P2RX3: variants seen among roughly 807,000 people sequenced by gnomAD.
The protein encoded by P2RX3 is purinergic receptor P2X 3, also known as P2X purinoceptor 3.
P2RX3 carries 41 observed loss-of-function variants against 51.5 expected under a neutral mutation model. The observed-to-expected ratio is 0.80, with a 90% CI of 0.62 to 1.03. The LOEUF is 1.03. P2RX3 is among the 50% of genes least tolerant of loss of function. P2RX3 has a pLI of 0.00. For synonymous variants in P2RX3, 185 were observed against 191.6 expected, an observed-to-expected ratio of 0.97 and a Z score of 0.29; for missense variants, 459 against 522.1, an observed-to-expected ratio of 0.88 and a Z score of 1.18.
At chr11:57,360,474 G>T (rs1856697479) in intron 8 of P2RX3, among the ~76,000 whole-genome samples, 1 of 152,078 alleles carries the variant, frequency 6.6e-6, no homozygotes, top group Admixed American at 6.6e-5. Flanking sequence ...CCTACTGTGA[G>T]CATTAGGCCT....
intron 5 of P2RX3, 42 bp downstream of exon 5, chr11:57,348,305 C>A: frequency 6.5e-7 from 1 of 1,528,294 alleles, no homozygotes; most frequent in Non-Finnish European, 8.9e-7. Flanking sequence ...GCCCCCACCT[C>A]AGCTCCCCTT....
intron 8 of P2RX3, among the ~76,000 whole-genome samples, chr11:57,355,335 T>C (rs1191330797): frequency 2.0e-5 from 2 of 102,210 alleles, no homozygotes; most frequent in Non-Finnish European, 4.3e-5. Flanking sequence ...ATTTTATTTC[T>C]TTTTTTTTTT....
At chr11:57,359,808 A>G (rs1856687509) in intron 8 of P2RX3, among the ~76,000 whole-genome samples, 1 of 152,196 alleles carries the variant, frequency 6.6e-6, no homozygotes, top group Admixed American at 6.5e-5. Context: ...AGAGTAGCCT[A>G]TGGAGCATGT....
Position 57,359,496 on chromosome 11 carries a change from C to T in P2RX3, c.843-8513C>T, listed in dbSNP as rs142488978. On this transcript the variant is annotated intron_variant, in intron 8 of 11. Coordinates refer to ENST00000263314, the MANE Select transcript of P2RX3 (RefSeq NM_002559.5). The stretch of plus-strand genomic sequence containing the variant: ...CAGCCACGCCTGTCAGAGGAGCCCC[C>T]GACCCTGAAAACTCTGGCCCTGCCT... Among the ~76,000 whole-genome samples the T allele has an allele frequency of 4.3e-4, 66 of 152,304 alleles. 2 individuals are homozygous for T. The East Asian group carries it at 0.012, about 27-fold the overall frequency.
upstream of P2RX3, among the ~76,000 whole-genome samples, chr11:57,336,181 T>C (rs754827866): frequency 6.6e-6 from 1 of 152,206 alleles, no homozygotes; most frequent in Non-Finnish European, 1.5e-5. Flanking sequence ...TGCAAAATAG[T>C]TTCTATGTCA....
At position 57,346,560 on chromosome 11, in the gene P2RX3, G is replaced by A. The variant is rs770234360; in HGVS notation, c.136G>A (p.Glu46Lys). 1.5e-5 allele frequency: 24 copies of A among 1,614,000 alleles called. No individual in the cohort carries two copies. The highest frequency in any genetic ancestry group is 8.3e-5 in the Admixed American group (5 of 59,992). The change falls in exon 2 of 12, where the codon GAG becomes AAG. Residue 46 changes from glutamate (E) to lysine (K), a missense_variant. Physicochemically the swap from Glu to Lys is moderately conservative, Grantham distance 56. Coordinates refer to ENST00000263314, the MANE Select transcript of P2RX3 (RefSeq NM_002559.5). ...SYFVGWVFLH[E>K]KAYQVRDTAI... is the part of the protein sequence containing the mutation. ...CTGCCCCAGGTGGGTTTTCTTGCAC[G>A]AGAAGGCTTACCAGGTACGGGACAC...
chr11:57,366,763 G>T (rs1031166189), intron 8 of P2RX3, among the ~76,000 whole-genome samples: 2 of 152,152 alleles, frequency 1.3e-5, no homozygotes, highest in Non-Finnish European at 2.9e-5. Context: ...AGTCTCGGGC[G>T]CAGGGTGTCA....
chr11:57,371,157 G>A lies in P2RX3; in HGVS notation c.*1160G>A, dbSNP rs1451839995. ...AACCCACATGTCCTGGCCCTTCAGGGAAGGAGGCAAGAACAGGAAGCTGGA... is the reference window on the plus strand; with the variant it reads ...AACCCACATGTCCTGGCCCTTCAGGAAAGGAGGCAAGAACAGGAAGCTGGA... On this transcript the variant is annotated 3_prime_UTR_variant, in exon 12 of 12. Coordinates refer to ENST00000263314, the MANE Select transcript of P2RX3 (RefSeq NM_002559.5). 6.6e-6 allele frequency among the ~76,000 whole-genome samples: 1 copy of A among 152,250 alleles called. No individual in the cohort carries two copies. Among genetic ancestry groups the A allele is most frequent in the Non-Finnish European group, 1.5e-5 (1 of 68,050 alleles).
intron 1 of P2RX3, chr11:57,340,531 CAT>C (rs1468301527): frequency 6.6e-6 from 1 of 152,320 alleles, no homozygotes; most frequent in Non-Finnish European, 1.5e-5. Context: ...GTTGTGACTT[CAT>C]GAGTCCACCG....
chr11:57,368,139 G>A, intron 9 of P2RX3, 37 bp downstream of exon 9: 1 of 1,586,836 alleles, frequency 6.3e-7, no homozygotes, highest in Non-Finnish European at 8.7e-7. Context: ...GTGGACAGGG[G>A]AGGCAGCCCA....
chr11:57,352,473 A>G (rs187818914), intron 8 of P2RX3, among the ~76,000 whole-genome samples: 7 of 152,366 alleles, frequency 4.6e-5, no homozygotes, highest in Non-Finnish European at 1.5e-5. Flanking sequence ...ATAGTAACAT[A>G]TTAATAAAAT....
At chr11:57,343,250 A>AAGG (rs60686685) in intron 1 of P2RX3, among the ~76,000 whole-genome samples, 6 of 152,132 alleles carry the variant, frequency 3.9e-5, no homozygotes, top group African/African-American at 7.2e-5. Flanking sequence ...AGGAGCCTTG[A>AAGG]AGGAGGAGGA....
intron 8 of P2RX3, among the ~76,000 whole-genome samples, chr11:57,357,625 G>C (rs1169791684): frequency 3.9e-5 from 6 of 152,136 alleles, no homozygotes; most frequent in Non-Finnish European, 8.8e-5. Flanking sequence ...ATTAATTAAA[G>C]ATAAATTAAT....
intron 10 of P2RX3, among the ~76,000 whole-genome samples, chr11:57,369,021 A>T (rs565932733): frequency 6.6e-6 from 1 of 152,230 alleles, no homozygotes; most frequent in East Asian, 1.9e-4. Context: ...TCCTCATCTT[A>T]TAAAGCCACC....
chr11:57,349,460 C>G (rs575579103), intron 6 of P2RX3, among the ~76,000 whole-genome samples: 1 of 150,950 alleles, frequency 6.6e-6, no homozygotes, highest in Non-Finnish European at 1.5e-5. Context: ...ACCGAGACTC[C>G]GTCTCAAAAA....
intron 1 of P2RX3, among the ~76,000 whole-genome samples, chr11:57,345,497 C>T (rs914183528): frequency 3.3e-5 from 5 of 152,022 alleles, no homozygotes; most frequent in African/African-American, 9.7e-5. Flanking sequence ...TCTCATCTGT[C>T]GAATGGGAAT....
In P2RX3 at chr11:57,348,283, A is replaced by G. The variant is rs1352398804; in HGVS notation, c.485+20A>G. 5 of 1,573,484 alleles carry G rather than the reference A, an allele frequency of 3.2e-6. No individual in the cohort carries two copies. Among genetic ancestry groups the G allele is most frequent in the Non-Finnish European group, 4.3e-6 (5 of 1,158,240 alleles). On this transcript the variant is annotated intron_variant, in intron 5 of 11. Coordinates refer to ENST00000263314, the MANE Select transcript of P2RX3 (RefSeq NM_002559.5). ...GGAAACGTAAGGCTCCAAGCCAGAC[A>G]GGAGGAGACAGGCCCCCACCTCAGC... is the stretch of plus-strand genomic sequence containing the variant.
intron 8 of P2RX3, among the ~76,000 whole-genome samples, chr11:57,358,765 A>G (rs540771419): frequency 1.7e-4 from 26 of 152,320 alleles, no homozygotes; most frequent in African/African-American, 5.8e-4. Flanking sequence ...TCACGTTGGA[A>G]TGGAGCTCCA....
chr11:57,355,364 G>A (rs1324477822), intron 8 of P2RX3, among the ~76,000 whole-genome samples: 1 of 132,270 alleles, frequency 7.6e-6, no homozygotes, highest in African/African-American at 2.8e-5. Context: ...TTGAGACAGA[G>A]TTTTGCTCTG....
Sources: allele counts gnomAD v4.1 joint callset (sites outside exome capture counted in the v4.1 genomes callset), GRCh38; gene constraint gnomAD v4.1.1; transcripts MANE v1.5; gene names NCBI Gene and HGNC (gene_info 2026-07-23, HGNC 2026-07-21).